The following ZBTB34 variants were observed in gnomAD, a reference collection of about 807,000 sequenced individuals.
ZBTB34 encodes the protein zinc finger and BTB domain-containing protein 34.
In ZBTB34, 1 loss-of-function variant was observed where a neutral mutation model predicts 33.4. The ratio of observed to expected loss-of-function variants is 0.03; its 90% CI spans 0.01 to 0.14. ZBTB34 has a LOEUF of 0.14. ZBTB34 is among the 10% of genes least tolerant of loss of function. The pLI is 1.00. For synonymous variants in ZBTB34, 283 were observed against 253.5 expected (o/e 1.12, Z -1.11); for missense variants, 406 against 657.2 (o/e 0.62, Z 4.18).
At chr9:126,872,962 T>C (rs1404355810) in intron 1 of ZBTB34, among the ~76,000 whole-genome samples, 1 of 152,028 alleles carries the variant, frequency 6.6e-6, no homozygotes, top group African/African-American at 2.4e-5. Flanking sequence ...TTCTGAGAAG[T>C]AGTTAAGGAA....
exon 1 of ZBTB34, chr9:126,860,723 C>G (rs890609305): frequency 7.0e-6 from 1 of 143,782 alleles, no homozygotes; most frequent in Non-Finnish European, 1.5e-5. Context: ...GCGATGTGAG[C>G]GCGGCGCTCT....
At chr9:126,878,235 C>T (rs905672000) in intron 1 of ZBTB34, among the ~76,000 whole-genome samples, 10 of 151,322 alleles carry the variant, frequency 6.6e-5, no homozygotes, top group South Asian at 2.1e-4. Flanking sequence ...TTTGGGAGGC[C>T]GAGGGGAGCA....
intron 1 of ZBTB34, among the ~76,000 whole-genome samples, chr9:126,870,596 C>T (rs2033263913): frequency 6.6e-6 from 1 of 152,146 alleles, no homozygotes; most frequent in Admixed American, 6.5e-5. Flanking sequence ...GACAAATTGC[C>T]ATTAAACATG....
intron 1 of ZBTB34, among the ~76,000 whole-genome samples, chr9:126,861,723 G>C (rs967043376): frequency 6.6e-6 from 1 of 152,004 alleles, no homozygotes; most frequent in Non-Finnish European, 1.5e-5. Flanking sequence ...ATCACATTCC[G>C]CCGAGTTTTT....
intron 1 of ZBTB34, among the ~76,000 whole-genome samples, chr9:126,876,535 A>T (rs1051702575): frequency 6.6e-6 from 1 of 151,996 alleles, no homozygotes; most frequent in African/African-American, 2.4e-5. Context: ...TCTTGGTCAT[A>T]ATATATTATT....
chr9:126,871,049 G>A (rs10819243), intron 1 of ZBTB34, among the ~76,000 whole-genome samples: 76,493 of 152,022 alleles, frequency 0.5, 20,777 homozygotes, highest in Non-Finnish European at 0.61. Flanking sequence ...CCTTCCCTGT[G>A]AACAGATAAT....
intron 1 of ZBTB34, among the ~76,000 whole-genome samples, chr9:126,863,988 G>A (rs568477624): frequency 5.3e-5 from 8 of 152,266 alleles, no homozygotes; most frequent in African/African-American, 1.9e-4. Context: ...ACAACATATT[G>A]TGACCCCTTA....
chr9:126,865,428 TTC>T (rs908939239), intron 1 of ZBTB34, among the ~76,000 whole-genome samples: 1 of 152,252 alleles, frequency 6.6e-6, no homozygotes, highest in African/African-American at 2.4e-5. Flanking sequence ...ATCAGCACAT[TTC>T]TAATTGTTCA....
At chr9:126,862,985 A>G (rs1041003806) in intron 1 of ZBTB34, among the ~76,000 whole-genome samples, 2 of 151,532 alleles carry the variant, frequency 1.3e-5, no homozygotes, top group African/African-American at 2.4e-5. Flanking sequence ...ATGTAATGCT[A>G]CCATTCAAGG....
intron 1 of ZBTB34, among the ~76,000 whole-genome samples, chr9:126,874,900 T>C (rs1412312283): frequency 6.6e-6 from 1 of 152,254 alleles, no homozygotes; most frequent in Non-Finnish European, 1.5e-5. Context: ...CTCATAGCTT[T>C]TATCATGGTT....
rs779753825 is a variant in ZBTB34, at chr9:126,880,102, A to C, written c.703A>C (p.Ile235Leu). ...AGACCTATTGGTGAGGGAGAGCCAG[A>C]TCACCGAGGTGAAAGTGAAGATGGA... Residue 235 changes from isoleucine (I) to leucine (L), a missense_variant, in exon 2 of 2, where the codon ATC (isoleucine) becomes CTC (leucine). Ile to Leu is a conservative substitution (Grantham distance 5). This residue lies in a region of ZBTB34 where 137 missense variants were observed against 173.0 expected (regional missense o/e 0.79). Coordinates refer to ENST00000319119, the Ensembl canonical transcript of ZBTB34. The surrounding 1 kb of genome is among the most constrained non-coding windows in gnomAD (Gnocchi z 6.7). 5.1e-5 allele frequency: 82 copies of C among 1,613,630 alleles called. No individual in the cohort carries two copies. The highest frequency in any genetic ancestry group is 6.8e-5 in the Non-Finnish European group (80 of 1,179,898).
intron 1 of ZBTB34, among the ~76,000 whole-genome samples, chr9:126,876,734 C>A (rs548002763): frequency 6.6e-6 from 1 of 152,148 alleles, no homozygotes; most frequent in Admixed American, 6.5e-5. Flanking sequence ...ATCATTTGTG[C>A]CTTGGCACTT....
At chr9:126,864,345 C>G (rs13285716) in intron 1 of ZBTB34, among the ~76,000 whole-genome samples, 1 of 152,134 alleles carries the variant, frequency 6.6e-6, no homozygotes, top group Non-Finnish European at 1.5e-5. Context: ...ACAGTAGGAG[C>G]CTACTGACCG....
chr9:126,876,166 C>CCCCCCTTCCCCCTTCCCCCCTT (rs2033355573), intron 1 of ZBTB34, among the ~76,000 whole-genome samples: 1 of 316 alleles, frequency 3.2e-3, no homozygotes, highest in East Asian at 0.1. Context: ...TTCCGTCCTT[C>CCCCCCTTCCCCCTTCCCCCCTT]CCCCCTTCCC....
In ZBTB34 at chr9:126,880,932, C is replaced by T; in HGVS notation, c.*18C>T. Reference sequence around the variant, plus strand: ...CCGATTAAGATGGTAAAGAAGTGCACCCAAACAAAGCACATTAATCAATGC... The same window carrying T: ...CCGATTAAGATGGTAAAGAAGTGCATCCAAACAAAGCACATTAATCAATGC... On this transcript the variant is annotated 3_prime_UTR_variant, in exon 2 of 2. Coordinates refer to ENST00000319119, the Ensembl canonical transcript of ZBTB34. This position sits in a 1 kb window ranked among gnomAD's most constrained non-coding sequence, Gnocchi z 6.7. 1 of 1,590,390 alleles carries T rather than the reference C, an allele frequency of 6.3e-7. No homozygotes were observed. The highest frequency in any genetic ancestry group is 1.1e-5 in the South Asian group (1 of 89,444).
At chr9:126,866,247 A>G (rs2033199896) in intron 1 of ZBTB34, among the ~76,000 whole-genome samples, 1 of 151,628 alleles carries the variant, frequency 6.6e-6, no homozygotes, top group Admixed American at 6.6e-5. Context: ...CATATTTCCC[A>G]CGACCCCGTG....
chr9:126,871,693 C>T (rs1281284586), intron 1 of ZBTB34, among the ~76,000 whole-genome samples: 1 of 152,132 alleles, frequency 6.6e-6, no homozygotes, highest in African/African-American at 2.4e-5. Context: ...AAAATTTTCT[C>T]TGAAAGAATA....
intron 1 of ZBTB34, among the ~76,000 whole-genome samples, chr9:126,874,448 T>G (rs1203667400): frequency 6.6e-6 from 1 of 152,196 alleles, no homozygotes; most frequent in Non-Finnish European, 1.5e-5. Context: ...ATATAAAAGT[T>G]GTATTTCTTC....
At chr9:126,867,864 C>T (rs1291577159) in intron 1 of ZBTB34, among the ~76,000 whole-genome samples, 1 of 151,400 alleles carries the variant, frequency 6.6e-6, no homozygotes, top group Admixed American at 6.6e-5. Context: ...TTCCTTGGTG[C>T]TTTATAAGAA....
Sources: allele counts gnomAD v4.1 joint callset (sites outside exome capture counted in the v4.1 genomes callset), GRCh38; gene constraint gnomAD v4.1.1; regional missense constraint gnomAD v4.1.1; non-coding constraint Gnocchi (gnomAD v3.1); transcripts MANE v1.5; gene names NCBI Gene and HGNC (gene_info 2026-07-23, HGNC 2026-07-21).